Variants in LINGO2 observed in about 807,000 individuals in gnomAD.
The protein encoded by LINGO2 is leucine-rich repeat and immunoglobulin-like domain-containing nogo receptor-interacting protein 2.
LINGO2 carries 14 observed loss-of-function variants against 30.6 expected under a neutral mutation model. That is an observed-to-expected ratio of 0.46 (90% CI 0.30 to 0.72). The LOEUF (loss-of-function observed/expected upper bound fraction) is 0.72. Among genes scored for constraint, LINGO2 ranks in the 30% least tolerant of loss-of-function variants. LINGO2 has a pLI of 0.07. For missense variants in LINGO2, 729 were observed against 751.7 expected, an observed-to-expected ratio of 0.97 and a Z score of 0.35; for synonymous variants, 317 against 288.5, an observed-to-expected ratio of 1.10 and a Z score of -1.00.
rs990081640 is a variant in LINGO2, at chr9:28,329,836, C to T, written c.-245-34470G>A. Among the ~76,000 whole-genome samples, 1 of 152,148 alleles carries T rather than the reference C, an allele frequency of 6.6e-6. No homozygotes were observed. The highest frequency in any genetic ancestry group is 2.4e-5 in the African/African-American group (1 of 41,428). On this transcript the variant is annotated intron_variant, in intron 3 of 5. Transcript: ENST00000379992. This position sits in a 1 kb window ranked among gnomAD's most constrained non-coding sequence, Gnocchi z 4.5. ...GTTTTATATCACCTTGTGCATATCT[C>T]TATGAAAGCACCTCACCTGTGTATA...
At chr9:28,369,044 T>A (rs949061532) in intron 3 of LINGO2, among the ~76,000 whole-genome samples, 1 of 152,198 alleles carries the variant, frequency 6.6e-6, no homozygotes, top group East Asian at 1.9e-4. Flanking sequence ...TGGGAAAGAA[T>A]CTGGGAGCCC....
At chr9:28,957,567 A>G in the LINGO2 span, among the ~76,000 whole-genome samples, 1 of 152,172 alleles carries the variant, frequency 6.6e-6, no homozygotes, top group Non-Finnish European at 1.5e-5. Flanking sequence ...TCCAGGTGGC[A>G]GTAATAAAGT....
the LINGO2 span, among the ~76,000 whole-genome samples, chr9:28,989,413 T>G: frequency 6.6e-6 from 1 of 152,202 alleles, no homozygotes; most frequent in Non-Finnish European, 1.5e-5. Context: ...TGTTTACTAT[T>G]TACATTCACT....
chr9:28,523,019 T>C (rs1820883044), intron 1 of LINGO2, among the ~76,000 whole-genome samples: 1 of 150,602 alleles, frequency 6.6e-6, no homozygotes, highest in East Asian at 1.9e-4. Context: ...TAAAAAGCAG[T>C]GGAGTGAAAA....
At chr9:28,574,576 A>G (rs1322816918) in intron 1 of LINGO2, among the ~76,000 whole-genome samples, 1 of 152,228 alleles carries the variant, frequency 6.6e-6, no homozygotes, top group Non-Finnish European at 1.5e-5. Context: ...TGGATGAAAG[A>G]GCACATTTCC....
At chr9:29,039,073 G>A in the LINGO2 span, among the ~76,000 whole-genome samples, 1 of 152,062 alleles carries the variant, frequency 6.6e-6, no homozygotes, top group Non-Finnish European at 1.5e-5. Context: ...AAATAAGCAG[G>A]CCAACAGCTG....
At chr9:29,188,729 G>A in the LINGO2 span, among the ~76,000 whole-genome samples, 55 of 126,802 alleles carry the variant, frequency 4.3e-4, no homozygotes, top group South Asian at 4.7e-4. Context: ...CCTCTCGGAT[G>A]GGGCGGCTGG....
the LINGO2 span, among the ~76,000 whole-genome samples, chr9:28,913,666 A>T: frequency 1.1e-3 from 169 of 152,232 alleles, no homozygotes; most frequent in Middle Eastern, 0.014. Flanking sequence ...AGGTCCTTAC[A>T]TCCCATATTT....
the LINGO2 span, among the ~76,000 whole-genome samples, chr9:28,778,022 T>C: frequency 6.6e-6 from 1 of 152,136 alleles, no homozygotes; most frequent in Non-Finnish European, 1.5e-5. Context: ...ATAGTCCATG[T>C]GGGTCTTTCT....
At chr9:28,890,363 T>C in the LINGO2 span, among the ~76,000 whole-genome samples, 1 of 152,216 alleles carries the variant, frequency 6.6e-6, no homozygotes, top group East Asian at 1.9e-4. Flanking sequence ...AAGCAGTTAC[T>C]GTCTTTTCCT....
chr9:28,246,579 T>C (rs985455917), intron 4 of LINGO2, among the ~76,000 whole-genome samples: 1 of 152,152 alleles, frequency 6.6e-6, no homozygotes, highest in Non-Finnish European at 1.5e-5. Context: ...GACCCCTTCC[T>C]TACACCTTAT....
chr9:28,708,676 C>T, the LINGO2 span, among the ~76,000 whole-genome samples: 2 of 152,022 alleles, frequency 1.3e-5, no homozygotes, highest in African/African-American at 2.4e-5. Context: ...GGTGCTTCTT[C>T]GTGTAGCTTC....
At chr9:28,863,166 T>C in the LINGO2 span, among the ~76,000 whole-genome samples, 1 of 152,104 alleles carries the variant, frequency 6.6e-6, no homozygotes, top group Admixed American at 6.6e-5. Context: ...TGTTGCTTTT[T>C]ACAAAAGTAC....
the LINGO2 span, among the ~76,000 whole-genome samples, chr9:29,008,699 G>A: frequency 2.9e-3 from 434 of 152,172 alleles, 10 homozygotes; most frequent in East Asian, 8.3e-3. Flanking sequence ...ATTTTTTCAT[G>A]TGTCTGTTGG....
At chr9:28,469,420 T>G (rs1230088347) in intron 2 of LINGO2, among the ~76,000 whole-genome samples, 1 of 152,112 alleles carries the variant, frequency 6.6e-6, no homozygotes, top group South Asian at 2.1e-4. Context: ...AAATAATGGC[T>G]GAAAACTTTG....
the LINGO2 span, among the ~76,000 whole-genome samples, chr9:29,004,207 C>T: frequency 3.3e-5 from 5 of 151,690 alleles, no homozygotes; most frequent in Admixed American, 6.6e-5. Context: ...CTCATTTTAC[C>T]CTTTATATGT....
At chr9:28,132,019 G>A (rs1327075361) in intron 4 of LINGO2, among the ~76,000 whole-genome samples, 2 of 152,150 alleles carry the variant, frequency 1.3e-5, no homozygotes, top group East Asian at 1.9e-4. Flanking sequence ...CTCTTGGGTG[G>A]ATTAAGTAAC....
At chr9:28,342,375 T>G (rs1342838033) in intron 3 of LINGO2, among the ~76,000 whole-genome samples, 1 of 152,140 alleles carries the variant, frequency 6.6e-6, no homozygotes, top group Non-Finnish European at 1.5e-5. Flanking sequence ...ACGCAAACTT[T>G]ATCGCTACGT....
At chr9:28,227,371 C>T (rs1377597924) in intron 4 of LINGO2, among the ~76,000 whole-genome samples, 1 of 152,030 alleles carries the variant, frequency 6.6e-6, no homozygotes, top group African/African-American at 2.4e-5. Flanking sequence ...AAAGGTTGAA[C>T]TTCTTTTTGC....
Sources: allele counts gnomAD v4.1 joint callset (sites outside exome capture counted in the v4.1 genomes callset), GRCh38; gene constraint gnomAD v4.1.1; non-coding constraint Gnocchi (gnomAD v3.1); transcripts MANE v1.5; gene names NCBI Gene and HGNC (gene_info 2026-07-23, HGNC 2026-07-21).